Variants in SCLT1 observed in about 807,000 individuals in gnomAD.
The protein encoded by SCLT1 is sodium channel and clathrin linker 1, also known as sodium channel-associated protein 1.
Under a neutral mutation model 112.8 loss-of-function variants are expected in SCLT1, and 78 were observed. The ratio of observed to expected loss-of-function variants is 0.69; its 90% CI spans 0.58 to 0.83. The LOEUF (loss-of-function observed/expected upper bound fraction) is 0.83. Among genes scored for constraint, SCLT1 ranks in the 40% least tolerant of loss-of-function variants. SCLT1 has a pLI of 0.00. For missense variants in SCLT1, 747 were observed against 770.4 expected, an observed-to-expected ratio of 0.97 and a Z score of 0.36; for synonymous variants, 257 against 254.7, an observed-to-expected ratio of 1.01 and a Z score of -0.09.
intron 5 of SCLT1, among the ~76,000 whole-genome samples, chr4:129,026,941 G>C (rs1224896399): frequency 1.3e-5 from 2 of 152,102 alleles, no homozygotes; most frequent in East Asian, 3.9e-4. Flanking sequence ...AAATAAACTA[G>C]AAAATCTAGA....
chr4:128,883,896 C>G (rs952428367), downstream of SCLT1: 1 of 152,310 alleles, frequency 6.6e-6, no homozygotes, highest in East Asian at 1.9e-4. Context: ...GTAAAAGACA[C>G]CTTCCAAATT....
intron 2 of SCLT1, among the ~76,000 whole-genome samples, chr4:129,048,800 C>G (rs1381916595): frequency 2.0e-5 from 3 of 151,992 alleles, no homozygotes; most frequent in African/African-American, 7.3e-5. Context: ...ACAAATAACC[C>G]CATCAAAAAG....
rs763030356 is a variant in SCLT1, at chr4:128,965,280, T to C, written c.816A>G (p.Ala272=). The C allele has an allele frequency of 1.2e-6, 2 of 1,610,664 alleles. No homozygotes were observed. Among genetic ancestry groups the C allele is most frequent in the Non-Finnish European group, 1.7e-6 (2 of 1,177,140 alleles). ...DVVSAHGREE[A]SDRRLQQLQS... Reference sequence around the variant, plus strand: ...GTAACTGCTGTAAACGCCTATCTGATGCTTCCTCTCTTCCATGGGCAGACA... The same window carrying C: ...GTAACTGCTGTAAACGCCTATCTGACGCTTCCTCTCTTCCATGGGCAGACA... The change falls in exon 11 of 21, where the codon GCA becomes GCG. Residue 272 remains alanine, a synonymous_variant. Transcript: ENST00000281142.
intron 18 of SCLT1, among the ~76,000 whole-genome samples, chr4:128,919,681 G>T (rs187965508): frequency 2.0e-5 from 3 of 151,134 alleles, no homozygotes; most frequent in East Asian, 3.9e-4. Flanking sequence ...AAAAAGAAAA[G>T]ATCCAAATAA....
intron 5 of SCLT1, among the ~76,000 whole-genome samples, chr4:129,017,024 C>T (rs1745052514): frequency 6.6e-6 from 1 of 152,190 alleles, no homozygotes; most frequent in Non-Finnish European, 1.5e-5. Context: ...ACCATTTTGG[C>T]TGCACCTTAC....
At position 129,063,986 on chromosome 4, in the gene SCLT1, T is replaced by C. The variant is rs918913568; in HGVS notation, c.102+18320A>G. On this transcript the variant is annotated intron_variant, in intron 2 of 20. Transcript: ENST00000281142. ...CAGGAGTGATGCAGGTGAACTGAAA[T>C]TGTTCTTACATTCTTCAATGTGTCT... is the stretch of plus-strand genomic sequence containing the variant. 1.1e-4 allele frequency among the ~76,000 whole-genome samples: 17 copies of C among 152,286 alleles called. No individual in the cohort carries two copies. In the East Asian group the frequency reaches 2.7e-3, roughly 24 times the overall value.
rs1209814125 is a variant in SCLT1 at position 128,952,843 on chromosome 4, G to A, written c.1147-3C>T. 2.8e-6 allele frequency: 4 copies of A among 1,439,436 alleles called. No homozygotes were observed. The highest frequency in any genetic ancestry group is 2.3e-5 in the East Asian group (1 of 43,964). The allele number at this position is 1,439,436 out of a possible 1,614,324, so 89.2% of individuals were successfully genotyped here. ...CATTGTTTTTTGGTGTTTGCAACCTGTAAATTAAGACATTTACTCATTATT... is the reference window on the plus strand; with the variant it reads ...CATTGTTTTTTGGTGTTTGCAACCTATAAATTAAGACATTTACTCATTATT... On this transcript the variant is annotated splice_polypyrimidine_tract_variant and splice_region_variant and intron_variant, in intron 13 of 20. Transcript: ENST00000281142.
At chr4:128,901,799 G>A (rs1246278862) in intron 18 of SCLT1, among the ~76,000 whole-genome samples, 2 of 151,808 alleles carry the variant, frequency 1.3e-5, no homozygotes, top group African/African-American at 4.8e-5. Context: ...CTTATTTTAT[G>A]TATAAGAGAT....
At chr4:129,021,000 C>T (rs1280522172) in intron 5 of SCLT1, among the ~76,000 whole-genome samples, 1 of 152,070 alleles carries the variant, frequency 6.6e-6, no homozygotes, top group Non-Finnish European at 1.5e-5. Context: ...TCTGCAGCTC[C>T]CAGCAAGACC....
At chr4:128,980,162 TG>T (rs1741520154) in intron 9 of SCLT1, among the ~76,000 whole-genome samples, 1 of 152,166 alleles carries the variant, frequency 6.6e-6, no homozygotes, top group South Asian at 2.1e-4. Context: ...ATTTCTCACA[TG>T]GGATTGTTTC....
At chr4:129,074,500 TC>T (rs1751290097) in intron 2 of SCLT1, among the ~76,000 whole-genome samples, 1 of 152,100 alleles carries the variant, frequency 6.6e-6, no homozygotes, top group South Asian at 2.1e-4. Flanking sequence ...AAGAAAAAAC[TC>T]CATTACTTAA....
intron 5 of SCLT1, among the ~76,000 whole-genome samples, chr4:129,026,208 C>T (rs1326822189): frequency 1.3e-5 from 2 of 151,758 alleles, no homozygotes; most frequent in Non-Finnish European, 2.9e-5. Flanking sequence ...ACCTAATAGA[C>T]ATCTACACAA....
At chr4:129,015,667 C>A (rs1165933744) in intron 5 of SCLT1, among the ~76,000 whole-genome samples, 2 of 152,176 alleles carry the variant, frequency 1.3e-5, no homozygotes, top group Non-Finnish European at 2.9e-5. Context: ...GGAATCTCTC[C>A]CTGCCAACTC....
intron 1 of SCLT1, among the ~76,000 whole-genome samples, chr4:129,084,504 C>T (rs1464027979): frequency 6.6e-5 from 10 of 151,952 alleles, no homozygotes; most frequent in African/African-American, 1.7e-4. Context: ...AACTATGAAA[C>T]GTTTCTCTGG....
chr4:128,923,492 A>C (rs1199655924), intron 18 of SCLT1, among the ~76,000 whole-genome samples: 1 of 151,876 alleles, frequency 6.6e-6, no homozygotes, highest in Non-Finnish European at 1.5e-5. Flanking sequence ...ATTGCCCTAA[A>C]AAGTTCCCTC....
At chr4:129,067,667 T>C (rs1750607801) in intron 2 of SCLT1, among the ~76,000 whole-genome samples, 1 of 151,862 alleles carries the variant, frequency 6.6e-6, no homozygotes, top group South Asian at 2.1e-4. Context: ...CATACCACCA[T>C]ACCTGGCTAA....
intron 18 of SCLT1, among the ~76,000 whole-genome samples, chr4:128,908,172 G>A (rs1391023267): frequency 2.0e-5 from 3 of 152,036 alleles, no homozygotes; most frequent in Non-Finnish European, 2.9e-5. Flanking sequence ...AAAAACAAAA[G>A]GTGCGCTATT....
rs1164524814 is a variant in SCLT1 at position 128,888,366 on chromosome 4, G to A, written c.2004+313C>T. Among the ~76,000 whole-genome samples, 7 of 151,944 alleles carry A rather than the reference G, an allele frequency of 4.6e-5. No homozygotes were observed. In the South Asian group the frequency reaches 8.3e-4, roughly 18 times the overall value. ...CCAGTAGTTGGAAACAGAGATATGC[G>A]CCACTATATTTGGCTAATTTTTAAA... On this transcript the variant is annotated intron_variant, in intron 20 of 20. Transcript: ENST00000281142.
intron 2 of SCLT1, among the ~76,000 whole-genome samples, chr4:129,063,761 C>T (rs747832820): frequency 6.6e-6 from 1 of 152,160 alleles, no homozygotes; most frequent in African/African-American, 2.4e-5. Context: ...CCTCCCTGTT[C>T]TCCCTGCTCC....
Sources: gnomAD v4.1 joint callset for allele counts (sites outside exome capture counted in the v4.1 genomes callset) on GRCh38, gnomAD v4.1.1 for gene constraint, MANE v1.5 for transcripts, NCBI Gene and HGNC (gene_info 2026-07-23, HGNC 2026-07-21) for gene names.